PLXNA4: variants seen among roughly 807,000 people sequenced by gnomAD.
PLXNA4 encodes the protein plexin-A4.
Under a neutral mutation model 191.8 loss-of-function variants are expected in PLXNA4, and 44 were observed. The observed-to-expected ratio is 0.23, with a 90% confidence interval of 0.18 to 0.29. The LOEUF is 0.29. Among genes scored for constraint, PLXNA4 ranks in the 10% least tolerant of loss-of-function variants. The pLI is 1.00. For missense variants in PLXNA4, 1,800 were observed against 2,488.8 expected (o/e 0.72, Z 5.89); for synonymous variants, 1,082 against 1,009.5 (o/e 1.07, Z -1.36).
chr7:132,145,997 T>C (rs900155892), intron 28 of PLXNA4, among the ~76,000 whole-genome samples: 2 of 149,242 alleles, frequency 1.3e-5, no homozygotes, highest in Non-Finnish European at 3.0e-5. Context: ...GGAGGATTGT[T>C]TGAACCTGGG....
rs375720148 is a variant in PLXNA4 at position 132,168,560 on chromosome 7, G to T, written c.4030C>A (p.Arg1344=). Residue 1344 remains arginine (R), a synonymous_variant, in exon 22 of 32, where the codon CGG becomes AGG. Coordinates refer to ENST00000321063, the MANE Select transcript of PLXNA4 (RefSeq NM_020911.2). ...AGGCCTTTCTCCACACGCTCCTGCC[G>T]GTAGCCCGGGACCTGCAGAGAGACC... The part of the protein sequence containing the change: ...VLRDLEVPGY[R]QERVEKGLKL... The T allele has an allele frequency of 6.3e-6, 10 of 1,584,396 alleles. No individual in the cohort carries two copies. The East Asian group carries it at 2.2e-4, about 36-fold the overall frequency.
intron 3 of PLXNA4, among the ~76,000 whole-genome samples, chr7:132,310,750 C>A (rs1354221619): frequency 6.6e-6 from 1 of 152,234 alleles, no homozygotes; most frequent in Non-Finnish European, 1.5e-5. Flanking sequence ...GCTCTCCCTA[C>A]TGGGCTCTGC....
intron 1 of PLXNA4, among the ~76,000 whole-genome samples, chr7:132,547,369 CTA>C (rs1225001470): frequency 6.6e-6 from 1 of 152,178 alleles, no homozygotes; most frequent in African/African-American, 2.4e-5. Flanking sequence ...ACCTTGAAGT[CTA>C]TACAGTATGT....
chr7:132,628,604 T>C (rs1486870245), intron 2 of PLXNA4, among the ~76,000 whole-genome samples: 2 of 152,082 alleles, frequency 1.3e-5, no homozygotes, highest in Non-Finnish European at 2.9e-5. Context: ...AAACATCTTT[T>C]ATTTTTTGGA....
At chr7:132,457,236 A>G (rs572298831) in intron 3 of PLXNA4, among the ~76,000 whole-genome samples, 1 of 152,332 alleles carries the variant, frequency 6.6e-6, no homozygotes, top group South Asian at 2.1e-4. Context: ...TTTGGAATTC[A>G]TCAGTTTTTC....
intron 2 of PLXNA4, among the ~76,000 whole-genome samples, chr7:132,582,479 C>T (rs963304801): frequency 6.6e-6 from 1 of 152,166 alleles, no homozygotes; most frequent in Non-Finnish European, 1.5e-5. Flanking sequence ...ACTTAAGTGA[C>T]CATGAAGTGA....
chr7:132,477,012 A>T (rs1797155729), intron 3 of PLXNA4, among the ~76,000 whole-genome samples: 1 of 152,214 alleles, frequency 6.6e-6, no homozygotes, highest in Non-Finnish European at 1.5e-5. Context: ...TCAACATTAT[A>T]TCTGGGGTTG....
intron 3 of PLXNA4, among the ~76,000 whole-genome samples, chr7:132,462,140 T>A (rs981887222): frequency 6.6e-6 from 1 of 152,070 alleles, no homozygotes; most frequent in Non-Finnish European, 1.5e-5. Flanking sequence ...AAATTGGAAG[T>A]AGGGGGAGGA....
intron 3 of PLXNA4, among the ~76,000 whole-genome samples, chr7:132,423,562 G>C (rs959510392): frequency 1.8e-4 from 27 of 152,296 alleles, no homozygotes; most frequent in African/African-American, 6.0e-4. Context: ...AGCTTTTCTA[G>C]AGATGGTCAT....
At chr7:132,443,681 C>T (rs973419916) in intron 3 of PLXNA4, among the ~76,000 whole-genome samples, 10 of 152,222 alleles carry the variant, frequency 6.6e-5, no homozygotes, top group African/African-American at 1.9e-4. Context: ...ATTAACCTCA[C>T]GTCTGCATCC....
chr7:132,622,694 T>C (rs1259204953), intron 2 of PLXNA4, among the ~76,000 whole-genome samples: 1 of 152,222 alleles, frequency 6.6e-6, no homozygotes, highest in Non-Finnish European at 1.5e-5. Flanking sequence ...CCCTGTTCCC[T>C]TGGAAATGTC....
chr7:132,386,788 G>T (rs1424578361), intron 3 of PLXNA4, among the ~76,000 whole-genome samples: 1 of 152,206 alleles, frequency 6.6e-6, no homozygotes, highest in African/African-American at 2.4e-5. Flanking sequence ...GTTCCCCAGG[G>T]TTGTCCCCAA....
In PLXNA4 at chr7:132,179,892, C is replaced by G. The variant is rs3734988; in HGVS notation, c.3669G>C (p.Pro1223=). The change falls in exon 20 of 32, where the codon CCG becomes CCC. Residue 1223 remains proline (P), a synonymous_variant. Coordinates refer to ENST00000321063, the MANE Select transcript of PLXNA4 (RefSeq NM_020911.2). ...MARVGGMEYS[P]GMVYIAPDSP... ...TGTCCGGGGCAATGTACACCATCCC[C>G]GGGGAGTACTCCATGCCACCGACAC... The G allele has an allele frequency of 8.1e-6, 13 of 1,611,074 alleles. No homozygotes were observed. Among genetic ancestry groups the G allele is most frequent in the Non-Finnish European group, 9.3e-6 (11 of 1,178,734 alleles).
intron 1 of PLXNA4, among the ~76,000 whole-genome samples, chr7:132,574,792 G>A (rs950230684): frequency 2.6e-5 from 4 of 152,154 alleles, no homozygotes; most frequent in South Asian, 2.1e-4. Context: ...TGGAAATAGC[G>A]GAGTCAGGGT....
rs111203934 is a variant in PLXNA4, at chr7:132,176,960, C to T, written c.3875-2040G>A. On this transcript the variant is annotated intron_variant, in intron 20 of 31. Transcript: ENST00000321063. ...TGTGTGCACGCCTGCAAGTTGAGTG[C>T]GTGAGTGTATGAGTGTGCATGCATG... 9.6e-3 allele frequency among the ~76,000 whole-genome samples: 1,451 copies of T among 150,780 alleles called. 17 individuals are homozygous for T. The highest frequency in any genetic ancestry group is 0.032 in the African/African-American group (1,309 of 41,072).
chr7:132,380,184 A>G (rs10240056), intron 3 of PLXNA4, among the ~76,000 whole-genome samples: 25,514 of 152,118 alleles, frequency 0.17, 2,727 homozygotes, highest in African/African-American at 0.28. Flanking sequence ...TAATGAATCA[A>G]AATACCAAAG....
intron 3 of PLXNA4, among the ~76,000 whole-genome samples, chr7:132,351,090 T>C (rs761183428): frequency 2.6e-5 from 4 of 152,206 alleles, no homozygotes; most frequent in Admixed American, 6.5e-5. Context: ...TAGACAAATG[T>C]ACAGAGAAAG....
intron 1 of PLXNA4, among the ~76,000 whole-genome samples, chr7:132,531,441 G>C (rs774706432): frequency 2.5e-4 from 38 of 152,280 alleles, no homozygotes; most frequent in Non-Finnish European, 4.4e-4. Flanking sequence ...ATATTATTAT[G>C]ATCTTTATTT....
At chr7:132,491,136 A>G (rs1797780375) in intron 2 of PLXNA4, among the ~76,000 whole-genome samples, 1 of 152,218 alleles carries the variant, frequency 6.6e-6, no homozygotes, top group Non-Finnish European at 1.5e-5. Context: ...TCTGCTCTAT[A>G]AAGATGACGG....
Sources: allele counts gnomAD v4.1 joint callset (sites outside exome capture counted in the v4.1 genomes callset), GRCh38; gene constraint gnomAD v4.1.1; transcripts MANE v1.5; gene names NCBI Gene and HGNC (gene_info 2026-07-23, HGNC 2026-07-21).